Variants in ATP5F1A observed in about 807,000 individuals in gnomAD.
ATP5F1A encodes the protein ATP synthase F(1) complex subunit alpha, mitochondrial.
In ATP5F1A, 24 loss-of-function variants were observed where a neutral mutation model predicts 57.4. The ratio of observed to expected loss-of-function variants is 0.42; its 90% CI spans 0.30 to 0.59. The LOEUF is 0.59. Among genes scored for constraint, ATP5F1A ranks in the 20% least tolerant of loss-of-function variants. The pLI, the probability that ATP5F1A is intolerant of heterozygous loss-of-function variation, is 0.19. For missense variants in ATP5F1A, 494 were observed against 707.9 expected (o/e 0.70, Z 3.43); for synonymous variants, 251 against 255.5 (o/e 0.98, Z 0.17).
At chr18:46,097,753 T>C (rs1281747844) in intron 1 of ATP5F1A, 1 of 941,102 alleles carries the variant, frequency 1.1e-6, no homozygotes, top group Non-Finnish European at 1.3e-6. Flanking sequence ...CAGACTCCAC[T>C]GACTAGCTTC....
In ATP5F1A at chr18:46,086,180, A is replaced by C; in HGVS notation, c.1362T>G (p.Asp454Glu). ...GACTCAAAAGTTGTTGAGTGGCAGCATCGAGGTCAGAACCGAACTGGGCAA... is the reference window on the plus strand; with the variant it reads ...GACTCAAAAGTTGTTGAGTGGCAGCCTCGAGGTCAGAACCGAACTGGGCAA... Reference protein sequence around the residue: ...AAFAQFGSDLDAATQQLLSRG... With the variant: ...AAFAQFGSDLEAATQQLLSRG... The change falls in exon 10 of 12, where the codon GAT becomes GAG. Residue 454 changes from aspartate (D) to glutamate (E), a missense_variant. By Grantham distance (45) the Asp-to-Glu change is conservative. Transcript: ENST00000398752. 1 of 1,612,562 alleles carries C rather than the reference A, an allele frequency of 6.2e-7. No homozygotes were observed. Among genetic ancestry groups the C allele is most frequent in the South Asian group, 1.1e-5 (1 of 91,012 alleles).
intron 2 of ATP5F1A, among the ~76,000 whole-genome samples, chr18:46,094,164 T>TACACAC (rs71938962): frequency 6.7e-5 from 10 of 149,140 alleles, no homozygotes; most frequent in Non-Finnish European, 1.2e-4. Context: ...TGTGTACACA[T>TACACAC]ACACACACAC....
In ATP5F1A at chr18:46,084,135, ACAGAAAAC is replaced by A; in HGVS notation, c.*139_*146del. The A allele has an allele frequency of 3.3e-6, 2 of 610,276 alleles. No homozygotes were observed. The allele number at this position is 610,276 out of a possible 1,614,324, so 37.8% of individuals were successfully genotyped here. A position where few individuals can be genotyped will look rare whatever the true frequency, so the allele number is the denominator to read the frequency against. ...TTGGTTTTAAAGAATAACACAAATG[ACAGAAAAC>A]AACTATGCATTATGGAACCTTTATT... On this transcript the variant is annotated 3_prime_UTR_variant, in exon 12 of 12. Coordinates refer to ENST00000398752, the MANE Select transcript of ATP5F1A (RefSeq NM_004046.6).
In ATP5F1A at chr18:46,083,814, T is replaced by TC. The variant is rs1488014683; in HGVS notation, c.*467dup. The stretch of plus-strand genomic sequence containing the variant: ...GCCTGGCCAACATGGTGAAACCCCG[T>TC]CTCTACTAAAAATACTAAAAAACTA... On this transcript the variant is annotated 3_prime_UTR_variant, in exon 12 of 12. Transcript: ENST00000398752. 6.5e-6 allele frequency: 1 copy of TC among 152,870 alleles called. No homozygotes were observed. Among genetic ancestry groups the TC allele is most frequent in the Non-Finnish European group, 1.5e-5 (1 of 68,826 alleles). The allele number at this position is 152,870 out of a possible 1,614,324, so 9.5% of individuals were successfully genotyped here.
Position 46,095,056 on chromosome 18 carries a change from T to G in ATP5F1A, c.136A>C (p.Thr46Pro). Reference sequence around the variant, plus strand: ...AGACTGAGAAATAATAACTTACCAGTCTTTTGAAGATGAGTGTTAGAGGCA... The same window carrying G: ...AGACTGAGAAATAATAACTTACCAGGCTTTTGAAGATGAGTGTTAGAGGCA... ...FHASNTHLQK[T>P]GTAEMSSILE... Residue 46 changes from threonine to proline, a missense_variant, in exon 2 of 12, where the codon ACT becomes CCT. By Grantham distance (38) the Thr-to-Pro change is conservative. This residue lies in a region of ATP5F1A where 142 missense variants were observed against 137.5 expected (regional missense o/e 1.03). Coordinates refer to ENST00000398752, the MANE Select transcript of ATP5F1A (RefSeq NM_004046.6). 6.2e-7 allele frequency: 1 copy of G among 1,610,760 alleles called. No individual in the cohort carries two copies. The highest frequency in any genetic ancestry group is 2.2e-5 in the East Asian group (1 of 44,828).
intron 2 of ATP5F1A, among the ~76,000 whole-genome samples, chr18:46,094,391 C>G (rs554822570): frequency 6.6e-6 from 1 of 151,822 alleles, no homozygotes; most frequent in African/African-American, 2.4e-5. Context: ...ATCAGTGGAC[C>G]GGTGCAGTGG....
At chr18:46,087,903 C>G (rs1160284821) in intron 6 of ATP5F1A, 1 of 568,552 alleles carries the variant, frequency 1.8e-6, no homozygotes, top group Non-Finnish European at 3.0e-6. Context: ...AAGAGTTAAT[C>G]AGAATCAAAC....
chr18:46,087,233 C>T lies in ATP5F1A; in HGVS notation c.952-1G>A. 1 of 1,614,154 alleles carries T rather than the reference C, an allele frequency of 6.2e-7. No individual in the cohort carries two copies. Among genetic ancestry groups the T allele is most frequent in the Non-Finnish European group, 8.5e-7 (1 of 1,180,006 alleles). On this transcript the variant is annotated splice_acceptor_variant, in intron 7 of 11. Coordinates refer to ENST00000398752, the MANE Select transcript of ATP5F1A (RefSeq NM_004046.6). LOFTEE classifies it high-confidence loss of function. ...GAGACATCTGACGGTAAGCAACAGC[C>T]TATGGTACAGAATAGGTTTGTGAAG...
At chr18:46,102,634 T>G (rs1036620533), upstream of ATP5F1A, among the ~76,000 whole-genome samples, 1 of 152,156 alleles carries the variant, frequency 6.6e-6, no homozygotes, top group Non-Finnish European at 1.5e-5. Context: ...AGAGCAGAGA[T>G]ATGTTTGAAG....
At chr18:46,095,701 C>G (rs1910896253) in intron 1 of ATP5F1A, among the ~76,000 whole-genome samples, 1 of 151,610 alleles carries the variant, frequency 6.6e-6, no homozygotes, top group Admixed American at 6.6e-5. Context: ...ACTACAGCCT[C>G]GACTTCCTGG....
At chr18:46,084,427 C>T (rs1455823219) in intron 11 of ATP5F1A, 64 bp from the exon 12 acceptor site, 9 of 1,578,608 alleles carry the variant, frequency 5.7e-6, no homozygotes, top group Non-Finnish European at 7.7e-6. Context: ...ACTAGCCTAA[C>T]TACAGATTTG....
chr18:46,087,596 C>G lies in ATP5F1A; in HGVS notation c.800-104G>C, dbSNP rs1910212513. 3.7e-6 allele frequency: 5 copies of G among 1,365,052 alleles called. No homozygotes were observed. The East Asian group carries it at 1.3e-4, about 34-fold the overall frequency. The allele number at this position is 1,365,052 out of a possible 1,614,324, so 84.6% of individuals were successfully genotyped here. On this transcript the variant is annotated intron_variant, in intron 6 of 11. Transcript: ENST00000398752. ...AAAATATTTACCATTAAGAGTTAAT[C>G]AGGCCAGGCGCAGTGGCTCATGCCT...
chr18:46,103,356 T>C (rs1051140686), intron 1 of ATP5F1A, among the ~76,000 whole-genome samples: 2 of 151,862 alleles, frequency 1.3e-5, no homozygotes, highest in Non-Finnish European at 2.9e-5. Context: ...ATCCCAGCAC[T>C]TTGGGAGGCC....
intron 2 of ATP5F1A, 60 bp downstream of exon 2, chr18:46,094,993 T>G (rs752907367): frequency 6.5e-7 from 1 of 1,531,726 alleles, no homozygotes. Context: ...AGTTATACGA[T>G]GTATGTAATT....
In ATP5F1A at chr18:46,087,077, G is replaced by C. The variant is rs1166465951; in HGVS notation, c.1107C>G (p.Val369=). ...FGGGSLTALP[V]IETQAGDVSA... ...ACACATCACCAGCCTGTGTTTCTATGACTGGCAAAGCAGTCAAGGAGCCAC... is the reference window on the plus strand; with the variant it reads ...ACACATCACCAGCCTGTGTTTCTATCACTGGCAAAGCAGTCAAGGAGCCAC... The change falls in exon 8 of 12, where the codon GTC becomes GTG. Residue 369 remains valine, a synonymous_variant. Coordinates refer to ENST00000398752, the MANE Select transcript of ATP5F1A (RefSeq NM_004046.6). 3 of 1,613,872 alleles carry C rather than the reference G, an allele frequency of 1.9e-6. No homozygotes were observed. Among genetic ancestry groups the C allele is most frequent in the Non-Finnish European group, 2.5e-6 (3 of 1,179,944 alleles).
Position 46,081,682 on chromosome 18 carries a change from A to AAAAAAAAAAAAAAAAAAAAAAAC in ATP5F1A, c.*2599_*2600insGTTTTTTTTTTTTTTTTTTTTTT, listed in dbSNP as rs1909754973. 9.8e-6 allele frequency: 1 copy of AAAAAAAAAAAAAAAAAAAAAAAC among 102,326 alleles called. No homozygotes were observed. Among genetic ancestry groups the AAAAAAAAAAAAAAAAAAAAAAAC allele is most frequent in the Non-Finnish European group, 1.9e-5 (1 of 52,892 alleles). The allele number at this position is 102,326 out of a possible 1,614,324, so 6.3% of individuals were successfully genotyped here. ...TCTCAAAAAAAAAAAACAAAAAAAAAAAAAAAAAAAAAAAACGAAATGTGC... is the reference window on the plus strand; with the variant it reads ...TCTCAAAAAAAAAAAACAAAAAAAAAAAAAAAAAAAAAAAAAAAAAAACAAAAAAAAAAAAAAACGAAATGTGC... On this transcript the variant is annotated 3_prime_UTR_variant, in exon 12 of 12. Coordinates refer to ENST00000398752, the MANE Select transcript of ATP5F1A (RefSeq NM_004046.6).
Position 46,086,261 on chromosome 18 carries a change from C to T in ATP5F1A, c.1285-4G>A. ...CCAGCTTCATGGTACCTGCTACCTGCAATACAGAAATTACTGTACTGTAAC... is the reference window on the plus strand; with the variant it reads ...CCAGCTTCATGGTACCTGCTACCTGTAATACAGAAATTACTGTACTGTAAC... On this transcript the variant is annotated splice_polypyrimidine_tract_variant and splice_region_variant and intron_variant, in intron 9 of 11. Transcript: ENST00000398752. 3 of 1,613,818 alleles carry T rather than the reference C, an allele frequency of 1.9e-6. No homozygotes were observed. The highest frequency in any genetic ancestry group is 1.1e-5 in the South Asian group (1 of 91,060).
rs1416178679 is a variant in ATP5F1A at position 46,082,024 on chromosome 18, T to C, written c.*2258A>G. ...AAGGAAGGGGGAACCCTAGGAAAAA[T>C]ATTTTAGAACATGACCATGTATGAC... On this transcript the variant is annotated 3_prime_UTR_variant, in exon 12 of 12. Coordinates refer to ENST00000398752, the MANE Select transcript of ATP5F1A (RefSeq NM_004046.6). 6.9e-6 allele frequency: 1 copy of C among 144,608 alleles called. No individual in the cohort carries two copies. Among genetic ancestry groups the C allele is most frequent in the East Asian group, 2.1e-4 (1 of 4,846 alleles). 9.0% of individuals were successfully genotyped at this position (144,608 alleles called of 1,614,324 possible).
At chr18:46,104,118 AAAAG>A in intron 1 of ATP5F1A, 1 of 366,640 alleles carries the variant, frequency 2.7e-6, no homozygotes, top group Admixed American at 4.6e-5. Context: ...AAATAAAAAT[AAAAG>A]AAAGAAAAAA....
Sources: gnomAD v4.1 joint callset for allele counts (sites outside exome capture counted in the v4.1 genomes callset) on GRCh38, gnomAD v4.1.1 for gene constraint, gnomAD v4.1.1 regional missense constraint, MANE v1.5 for transcripts, NCBI Gene and HGNC (gene_info 2026-07-23, HGNC 2026-07-21) for gene names.